The following MAN1A1 variants were observed in gnomAD, a reference collection of about 807,000 sequenced individuals.
MAN1A1 encodes mannosyl-oligosaccharide 1,2-alpha-mannosidase IA.
Under a neutral mutation model 70.8 loss-of-function variants are expected in MAN1A1, and 29 were observed. That is an observed-to-expected ratio of 0.41 (90% CI 0.31 to 0.56). The LOEUF (loss-of-function observed/expected upper bound fraction) is 0.56. Ranked by LOEUF, MAN1A1 falls within the 20% of genes least tolerant of loss-of-function variation. The pLI is 0.29. For synonymous variants in MAN1A1, 349 were observed against 330.1 expected, an observed-to-expected ratio of 1.06 and a Z score of -0.62; for missense variants, 747 against 841.3, an observed-to-expected ratio of 0.89 and a Z score of 1.39.
intron 5 of MAN1A1, among the ~76,000 whole-genome samples, chr6:119,272,439 G>C (rs1775950181): frequency 6.6e-6 from 1 of 152,148 alleles, no homozygotes; most frequent in Non-Finnish European, 1.5e-5. Flanking sequence ...CAGGAAAAAG[G>C]CTCTTTGCTA....
At chr6:119,298,106 G>A (rs1003146521) in intron 4 of MAN1A1, among the ~76,000 whole-genome samples, 2 of 152,154 alleles carry the variant, frequency 1.3e-5, no homozygotes, top group Admixed American at 1.3e-4. Flanking sequence ...TGAATGAAGA[G>A]TGACTAACCA....
At chr6:119,274,121 A>G (rs987934501) in intron 5 of MAN1A1, among the ~76,000 whole-genome samples, 10 of 152,216 alleles carry the variant, frequency 6.6e-5, no homozygotes, top group African/African-American at 2.2e-4. Context: ...TCTTAGTTTA[A>G]TCTTAGAAGC....
intron 5 of MAN1A1, among the ~76,000 whole-genome samples, chr6:119,265,090 T>A (rs924300475): frequency 8.1e-6 from 1 of 124,222 alleles, no homozygotes; most frequent in African/African-American, 3.1e-5. Flanking sequence ...TTCTTTTAAG[T>A]GCCTTTTTTA....
intron 6 of MAN1A1, among the ~76,000 whole-genome samples, chr6:119,246,776 T>G (rs182154192): frequency 1.6e-4 from 25 of 152,220 alleles, no homozygotes; most frequent in African/African-American, 6.0e-4. Flanking sequence ...AGTCAAATAC[T>G]CATGGGCCTC....
Position 119,263,605 on chromosome 6 carries a change from C to T in MAN1A1, c.898-15251G>A, listed in dbSNP as rs145417699. 3.5e-4 allele frequency among the ~76,000 whole-genome samples: 53 copies of T among 152,246 alleles called. 1 individual carries two copies. In the East Asian group the frequency reaches 9.5e-3, roughly 27 times the overall value. On this transcript the variant is annotated intron_variant, in intron 5 of 12. Transcript: ENST00000368468. ...ATCTGTTTACCTAACTTCCATGACA[C>T]GCCATGTACCTACCTATATACCAAA... is the stretch of plus-strand genomic sequence containing the variant.
At chr6:119,295,551 T>C (rs558086678) in intron 4 of MAN1A1, among the ~76,000 whole-genome samples, 9 of 152,204 alleles carry the variant, frequency 5.9e-5, no homozygotes, top group African/African-American at 2.2e-4. Context: ...CCATACAGCA[T>C]GACAGATCTG....
chr6:119,277,686 C>T (rs549808065), intron 5 of MAN1A1, among the ~76,000 whole-genome samples: 4 of 151,792 alleles, frequency 2.6e-5, no homozygotes, highest in Middle Eastern at 3.4e-3. Flanking sequence ...CCTGTAATCC[C>T]GGCACTTTGG....
chr6:119,301,154 G>A (rs193152104), intron 4 of MAN1A1, among the ~76,000 whole-genome samples: 3 of 152,308 alleles, frequency 2.0e-5, no homozygotes, highest in Admixed American at 6.5e-5. Context: ...GAGACTTTAC[G>A]AGAATTTCTG....
At chr6:119,219,328 G>A (rs11969810) in intron 6 of MAN1A1, among the ~76,000 whole-genome samples, 1 of 151,904 alleles carries the variant, frequency 6.6e-6, no homozygotes, top group African/African-American at 2.4e-5. Flanking sequence ...TTAGGGAATG[G>A]GTCAGATAAT....
At chr6:119,254,696 A>C (rs997506025) in intron 5 of MAN1A1, among the ~76,000 whole-genome samples, 1 of 152,214 alleles carries the variant, frequency 6.6e-6, no homozygotes, top group African/African-American at 2.4e-5. Flanking sequence ...ACTAGCAATC[A>C]GTTTGGGATG....
intron 6 of MAN1A1, among the ~76,000 whole-genome samples, chr6:119,218,985 T>A (rs1214366708): frequency 6.6e-6 from 1 of 152,200 alleles, no homozygotes; most frequent in Admixed American, 6.5e-5. Context: ...TTTGTGACCA[T>A]GAATGTGCTG....
intron 6 of MAN1A1, among the ~76,000 whole-genome samples, chr6:119,232,840 ACT>A (rs1033621171): frequency 6.6e-5 from 10 of 151,890 alleles, no homozygotes; most frequent in African/African-American, 2.4e-4. Context: ...CTTCTCTTTT[ACT>A]CTGTTTTCCT....
At chr6:119,196,259 TTTAA>T (rs1773566537) in intron 8 of MAN1A1, among the ~76,000 whole-genome samples, 1 of 152,148 alleles carries the variant, frequency 6.6e-6, no homozygotes. Flanking sequence ...ATACATTTGT[TTTAA>T]TTAATTTTGG....
intron 5 of MAN1A1, among the ~76,000 whole-genome samples, chr6:119,251,220 C>T (rs563159784): frequency 4.0e-4 from 61 of 152,274 alleles, no homozygotes; most frequent in African/African-American, 1.4e-3. Flanking sequence ...AACTTTCTAC[C>T]ACACAATTTT....
intron 6 of MAN1A1, among the ~76,000 whole-genome samples, chr6:119,229,679 C>T (rs1220257523): frequency 6.6e-6 from 1 of 152,152 alleles, no homozygotes; most frequent in East Asian, 1.9e-4. Context: ...GAACCTTTCT[C>T]TTGGTTTCCT....
rs3798610 is a variant in MAN1A1 at position 119,215,784 on chromosome 6, T to C, written c.993-10902A>G. Reference sequence around the variant, plus strand: ...AAACAGATATTCTTAGAATTTAAGATTACTTATTTCAGTTAAGTGGAATGC... The same window carrying C: ...AAACAGATATTCTTAGAATTTAAGACTACTTATTTCAGTTAAGTGGAATGC... On this transcript the variant is annotated intron_variant, in intron 6 of 12. Coordinates refer to ENST00000368468, the MANE Select transcript of MAN1A1 (RefSeq NM_005907.4). Among the ~76,000 whole-genome samples, 41 of 152,336 alleles carry C rather than the reference T, an allele frequency of 2.7e-4. No homozygotes were observed. The East Asian group carries it at 7.3e-3, about 27-fold the overall frequency.
At chr6:119,240,002 T>C (rs1774959005) in intron 6 of MAN1A1, among the ~76,000 whole-genome samples, 1 of 152,220 alleles carries the variant, frequency 6.6e-6, no homozygotes, top group Non-Finnish European at 1.5e-5. Flanking sequence ...TTGAAATTGT[T>C]GCATTAAAAT....
chr6:119,241,428 T>A (rs144384377), intron 6 of MAN1A1, among the ~76,000 whole-genome samples: 1 of 152,250 alleles, frequency 6.6e-6, no homozygotes, highest in East Asian at 1.9e-4. Context: ...TCTCAAAGTG[T>A]GGTCGTTGGG....
At chr6:119,250,826 C>G (rs758968319) in intron 5 of MAN1A1, among the ~76,000 whole-genome samples, 3 of 152,214 alleles carry the variant, frequency 2.0e-5, no homozygotes, top group Non-Finnish European at 2.9e-5. Context: ...GTACTTCTAC[C>G]TGTGTACACA....
Sources: gnomAD v4.1 joint callset for allele counts (sites outside exome capture counted in the v4.1 genomes callset) on GRCh38, gnomAD v4.1.1 for gene constraint, MANE v1.5 for transcripts, NCBI Gene and HGNC (gene_info 2026-07-23, HGNC 2026-07-21) for gene names.